NXPH1: variants seen among roughly 807,000 people sequenced by gnomAD.
NXPH1 encodes neurexophilin-1.
NXPH1 carries 5 observed loss-of-function variants against 23.7 expected under a neutral mutation model. The observed-to-expected ratio is 0.21, with a 90% confidence interval of 0.11 to 0.44. The LOEUF (loss-of-function observed/expected upper bound fraction) is 0.44, where lower values mean the gene tolerates loss of function less well. Among genes scored for constraint, NXPH1 ranks in the 20% least tolerant of loss-of-function variants. The pLI, the probability that NXPH1 is intolerant of heterozygous loss-of-function variation, is 0.99. For synonymous variants in NXPH1, 144 were observed against 122.2 expected (o/e 1.18, Z -1.18); for missense variants, 324 against 321.6 (o/e 1.01, Z -0.06).
At chr7:8,441,202 T>G (rs1584156279) in intron 2 of NXPH1, among the ~76,000 whole-genome samples, 1 of 152,096 alleles carries the variant, frequency 6.6e-6, no homozygotes, top group Admixed American at 6.5e-5. Flanking sequence ...AGCGGTTGGG[T>G]CAGCGGCTTC....
chr7:8,730,982 C>T (rs1225191861), intron 2 of NXPH1, among the ~76,000 whole-genome samples: 4 of 146,876 alleles, frequency 2.7e-5, no homozygotes, highest in African/African-American at 7.7e-5. Flanking sequence ...GTACACCAAT[C>T]AGACGTAGAT....
At chr7:8,529,483 G>A (rs1348292185) in intron 2 of NXPH1, among the ~76,000 whole-genome samples, 1 of 152,148 alleles carries the variant, frequency 6.6e-6, no homozygotes, top group African/African-American at 2.4e-5. Context: ...TCATGATAAG[G>A]GTTCACACCT....
In NXPH1 at chr7:8,442,928, C is replaced by T. The variant is rs1008317256; in HGVS notation, c.54+7161C>T. On this transcript the variant is annotated intron_variant, in intron 2 of 2. Coordinates refer to ENST00000405863, the MANE Select transcript of NXPH1 (RefSeq NM_152745.3). The surrounding 1 kb of genome is among the most constrained non-coding windows in gnomAD (Gnocchi z 4.6). ...TAGGCCGCGGGCTATAAGATTTGAT[C>T]GCGGGCAGGCGGGCGTGGGGCACGC... Among the ~76,000 whole-genome samples the T allele has an allele frequency of 7.2e-5, 11 of 152,244 alleles. No homozygotes were observed. Among genetic ancestry groups the T allele is most frequent in the Admixed American group, 7.2e-4 (11 of 15,284 alleles).
At position 8,676,147 on chromosome 7, in the gene NXPH1, T is replaced by C. The variant is rs1444972397; in HGVS notation, c.55-74861T>C. Among the ~76,000 whole-genome samples the C allele has an allele frequency of 2.0e-5, 3 of 152,290 alleles. No individual in the cohort carries two copies. In the East Asian group the frequency reaches 5.8e-4, roughly 29 times the overall value. On this transcript the variant is annotated intron_variant, in intron 2 of 2. Transcript: ENST00000405863. ...ATTTCAATGCAGTTGCTGCTGTACT[T>C]TACACACAGCCTTGAAAACAAGTAT...
chr7:8,733,782 T>G (rs1189799547), intron 2 of NXPH1, among the ~76,000 whole-genome samples: 13 of 152,218 alleles, frequency 8.5e-5, no homozygotes, highest in African/African-American at 2.9e-4. Flanking sequence ...TATTAGCCCT[T>G]TGTCAGATGG....
At chr7:8,608,757 G>T (rs1819556613) in intron 2 of NXPH1, among the ~76,000 whole-genome samples, 1 of 151,900 alleles carries the variant, frequency 6.6e-6, no homozygotes, top group South Asian at 2.1e-4. Context: ...CTCCAAAGAA[G>T]AATCCATTTT....
At chr7:8,529,042 C>G (rs948723687) in intron 2 of NXPH1, among the ~76,000 whole-genome samples, 10 of 152,170 alleles carry the variant, frequency 6.6e-5, no homozygotes, top group African/African-American at 2.4e-4. Context: ...GCTCCTGGAC[C>G]TGTTTCTTGT....
chr7:8,686,224 C>A (rs1048695788), intron 2 of NXPH1, among the ~76,000 whole-genome samples: 1 of 152,106 alleles, frequency 6.6e-6, no homozygotes, highest in Non-Finnish European at 1.5e-5. Flanking sequence ...CTACAAGATT[C>A]CTCTTTCTAG....
chr7:8,587,197 T>C (rs534250462), intron 2 of NXPH1, among the ~76,000 whole-genome samples: 1 of 152,302 alleles, frequency 6.6e-6, no homozygotes, highest in African/African-American at 2.4e-5. Context: ...TTGAAAATAG[T>C]GGCTGTGCAA....
chr7:8,680,565 A>T (rs1471098802), intron 2 of NXPH1, among the ~76,000 whole-genome samples: 2 of 152,266 alleles, frequency 1.3e-5, no homozygotes, highest in East Asian at 1.9e-4. Context: ...AAAGCATTTT[A>T]AAATGAAACA....
At chr7:8,593,613 G>A (rs1819151759) in intron 2 of NXPH1, among the ~76,000 whole-genome samples, 1 of 151,986 alleles carries the variant, frequency 6.6e-6, no homozygotes, top group Admixed American at 6.6e-5. Context: ...AATAAAATGA[G>A]TAAATAAATA....
At chr7:8,609,957 A>G (rs1819580565) in intron 2 of NXPH1, among the ~76,000 whole-genome samples, 2 of 152,148 alleles carry the variant, frequency 1.3e-5, no homozygotes, top group Non-Finnish European at 2.9e-5. Flanking sequence ...TTGCATTATT[A>G]AAATTTACTT....
At chr7:8,626,614 C>G (rs1335821444) in intron 2 of NXPH1, among the ~76,000 whole-genome samples, 2 of 152,036 alleles carry the variant, frequency 1.3e-5, no homozygotes, top group African/African-American at 2.4e-5. Context: ...TAATATTACA[C>G]TGAAGTCAGG....
At chr7:8,654,766 C>T (rs758664507) in intron 2 of NXPH1, among the ~76,000 whole-genome samples, 4 of 152,196 alleles carry the variant, frequency 2.6e-5, no homozygotes, top group Admixed American at 2.6e-4. Flanking sequence ...CCAAATAATT[C>T]CTACTGACAT....
intron 2 of NXPH1, among the ~76,000 whole-genome samples, chr7:8,573,201 C>T (rs2128622450): frequency 6.6e-6 from 1 of 151,974 alleles, no homozygotes; most frequent in Middle Eastern, 3.4e-3. Flanking sequence ...ACTCTCTGTT[C>T]ACATCATTTA....
intron 2 of NXPH1, among the ~76,000 whole-genome samples, chr7:8,656,525 T>TC (rs201755999): frequency 4.1e-5 from 6 of 147,352 alleles, no homozygotes; most frequent in African/African-American, 1.5e-4. Context: ...TTTTTTTTTT[T>TC]CAGAGGGTGG....
At chr7:8,672,674 G>A (rs4725116) in intron 2 of NXPH1, among the ~76,000 whole-genome samples, 111,066 of 152,056 alleles carry the variant, frequency 0.73, 40,989 homozygotes, top group East Asian at 1. Flanking sequence ...AGTGAGAATA[G>A]AAGTCAGGGA....
intron 2 of NXPH1, among the ~76,000 whole-genome samples, chr7:8,462,053 CTCTG>C (rs1358493697): frequency 5.7e-5 from 6 of 104,368 alleles, no homozygotes; most frequent in Admixed American, 1.8e-4. Flanking sequence ...ATCTCTATCT[CTCTG>C]TCTATTTTTT....
intron 2 of NXPH1, among the ~76,000 whole-genome samples, chr7:8,514,494 T>C (rs1006057433): frequency 6.6e-6 from 1 of 152,100 alleles, no homozygotes; most frequent in Non-Finnish European, 1.5e-5. Context: ...GCCCAATGCA[T>C]TGGAAAATGG....
Sources: allele counts gnomAD v4.1 joint callset (sites outside exome capture counted in the v4.1 genomes callset), GRCh38; gene constraint gnomAD v4.1.1; non-coding constraint Gnocchi (gnomAD v3.1); transcripts MANE v1.5; gene names NCBI Gene and HGNC (gene_info 2026-07-23, HGNC 2026-07-21).